The following GALNT13 variants were observed in gnomAD, a reference collection of about 807,000 sequenced individuals.
The protein encoded by GALNT13 is UDP-GalNAc:polypeptide N-acetylgalactosaminyltransferase 13.
In GALNT13, 28 loss-of-function variants were observed where a neutral mutation model predicts 64.2. That is an observed-to-expected ratio of 0.44 (90% CI 0.32 to 0.60). GALNT13 has a LOEUF of 0.60. Among genes scored for constraint, GALNT13 ranks in the 20% least tolerant of loss-of-function variants. The probability of loss-of-function intolerance (pLI) is 0.05; values close to 1 mark genes in which losing one functional copy is unlikely to be tolerated. For synonymous variants in GALNT13, 214 were observed against 224.6 expected, an observed-to-expected ratio of 0.95 and a Z score of 0.42; for missense variants, 577 against 669.8, an observed-to-expected ratio of 0.86 and a Z score of 1.53.
chr2:153,607,826 C>T, the GALNT13 span, among the ~76,000 whole-genome samples: 1 of 152,024 alleles, frequency 6.6e-6, no homozygotes, highest in South Asian at 2.1e-4. Context: ...ATCATGGACA[C>T]TTACCAGAAA....
the GALNT13 span, among the ~76,000 whole-genome samples, chr2:153,226,403 A>T: frequency 6.6e-6 from 1 of 151,994 alleles, no homozygotes; most frequent in Admixed American, 6.6e-5. Context: ...ATGGAAAGAT[A>T]AAAAAAATGT....
the GALNT13 span, among the ~76,000 whole-genome samples, chr2:153,658,479 A>G: frequency 5.9e-5 from 9 of 152,228 alleles, no homozygotes; most frequent in Non-Finnish European, 2.9e-5. Context: ...TCCCTTCCCC[A>G]ACTATAGCAG....
the GALNT13 span, among the ~76,000 whole-genome samples, chr2:153,639,756 A>C: frequency 6.6e-6 from 1 of 152,310 alleles, no homozygotes; most frequent in Non-Finnish European, 1.5e-5. Flanking sequence ...ACTAAAGGGA[A>C]GGAAAATTGT....
chr2:154,000,457 C>A (rs1379921287), intron 3 of GALNT13, among the ~76,000 whole-genome samples: 1 of 151,812 alleles, frequency 6.6e-6, no homozygotes, highest in Non-Finnish European at 1.5e-5. Flanking sequence ...CTAAAATTTT[C>A]TCATAGAACT....
rs150946322 is a variant in GALNT13 at position 154,126,590 on chromosome 2, G to A, written c.143-13747G>A. Among the ~76,000 whole-genome samples the A allele has an allele frequency of 9.0e-3, 1,356 of 150,660 alleles. 8 individuals are homozygous for A. Among genetic ancestry groups the A allele is most frequent in the Non-Finnish European group, 0.014 (936 of 67,788 alleles). On this transcript the variant is annotated intron_variant, in intron 3 of 12. Coordinates refer to ENST00000392825, the MANE Select transcript of GALNT13 (RefSeq NM_052917.4). ...GCGGAGCTTGCAGTGAGCCGAGATC[G>A]CGCCATTGCACTCCAGCCCGGACGA... is the stretch of plus-strand genomic sequence containing the variant.
intron 3 of GALNT13, among the ~76,000 whole-genome samples, chr2:153,982,707 T>G (rs1245668398): frequency 6.6e-6 from 1 of 152,042 alleles, no homozygotes; most frequent in Admixed American, 6.6e-5. Context: ...TACCTTGATG[T>G]TTGGAGACAT....
the GALNT13 span, among the ~76,000 whole-genome samples, chr2:153,277,927 C>CTTTTTTTTTTT: frequency 3.8e-3 from 303 of 80,056 alleles, 1 homozygote; most frequent in African/African-American, 6.6e-3. Context: ...TCTTTTCTTT[C>CTTTTTTTTTTT]TTTTTTTTTT....
At chr2:153,913,278 T>A (rs1330154430) in intron 2 of GALNT13, among the ~76,000 whole-genome samples, 2 of 152,002 alleles carry the variant, frequency 1.3e-5, no homozygotes, top group African/African-American at 2.4e-5. Context: ...ACAATGGCAA[T>A]GTGACAGGTG....
chr2:153,690,357 C>T, the GALNT13 span, among the ~76,000 whole-genome samples: 1 of 152,102 alleles, frequency 6.6e-6, no homozygotes, highest in Non-Finnish European at 1.5e-5. Flanking sequence ...ATTTAACTGT[C>T]TTCATGCTGG....
In GALNT13 at chr2:154,314,599, G is replaced by A. The variant is rs146645817; in HGVS notation, c.1156+13010G>A. 9.0e-4 allele frequency among the ~76,000 whole-genome samples: 137 copies of A among 152,236 alleles called. 3 individuals carry two copies. In the East Asian group the frequency reaches 0.02, roughly 22 times the overall value. ...AGGGGCTCAGGCTGCTTCCACTCAC[G>A]GTGGAAGGTAAAGGGGAGCCAGCAT... is the stretch of plus-strand genomic sequence containing the variant. On this transcript the variant is annotated intron_variant, in intron 9 of 12. Transcript: ENST00000392825.
the GALNT13 span, among the ~76,000 whole-genome samples, chr2:153,399,276 G>A: frequency 6.6e-6 from 1 of 151,956 alleles, no homozygotes; most frequent in African/African-American, 2.4e-5. Flanking sequence ...CTGTTCCATT[G>A]ATCTATATCT....
At chr2:153,420,243 T>C in the GALNT13 span, among the ~76,000 whole-genome samples, 4 of 152,156 alleles carry the variant, frequency 2.6e-5, no homozygotes, top group African/African-American at 7.2e-5. Context: ...ATGGTTAAGA[T>C]GGTAATTTTA....
chr2:153,632,722 T>A, the GALNT13 span, among the ~76,000 whole-genome samples: 1 of 152,126 alleles, frequency 6.6e-6, no homozygotes, highest in Non-Finnish European at 1.5e-5. Context: ...TTTTCATGAT[T>A]TGATAGCTCA....
intron 9 of GALNT13, among the ~76,000 whole-genome samples, chr2:154,329,903 C>T (rs1318181492): frequency 2.0e-5 from 3 of 152,060 alleles, no homozygotes; most frequent in Non-Finnish European, 4.4e-5. Flanking sequence ...GCCTGAGGCC[C>T]TCACCAGAAA....
At chr2:153,831,201 CAA>C in the GALNT13 span, among the ~76,000 whole-genome samples, 1 of 152,144 alleles carries the variant, frequency 6.6e-6, no homozygotes, top group East Asian at 1.9e-4. Context: ...TTTTTTCCTT[CAA>C]ATTTCAGTTC....
intron 2 of GALNT13, among the ~76,000 whole-genome samples, chr2:153,934,050 G>A (rs757731730): frequency 2.6e-5 from 4 of 152,150 alleles, no homozygotes; most frequent in Admixed American, 2.0e-4. Context: ...TGACCTTGGA[G>A]AATCTGATGA....
chr2:153,687,828 C>T, the GALNT13 span, among the ~76,000 whole-genome samples: 4 of 151,796 alleles, frequency 2.6e-5, no homozygotes, highest in Non-Finnish European at 4.4e-5. Context: ...TTTCAGACTG[C>T]CTTACCAAGT....
chr2:154,258,961 A>T (rs1232098745), intron 7 of GALNT13, 60 bp from the exon 8 acceptor site: 23 of 890,270 alleles, frequency 2.6e-5, no homozygotes, highest in Non-Finnish European at 4.1e-5. Flanking sequence ...CTACAGTCTC[A>T]TTAAACTCCA....
At chr2:153,442,980 G>C in the GALNT13 span, among the ~76,000 whole-genome samples, 1 of 152,236 alleles carries the variant, frequency 6.6e-6, no homozygotes, top group Admixed American at 6.5e-5. Flanking sequence ...TAGCTTGCTG[G>C]GCTCTTTGCG....
Sources: allele counts gnomAD v4.1 joint callset (sites outside exome capture counted in the v4.1 genomes callset), GRCh38; gene constraint gnomAD v4.1.1; transcripts MANE v1.5; gene names NCBI Gene and HGNC (gene_info 2026-07-23, HGNC 2026-07-21).